The following MRTFA variants were observed in gnomAD, a reference collection of about 807,000 sequenced individuals.
MRTFA encodes myocardin related transcription factor A, also known as myocardin-related transcription factor A.
In MRTFA, 20 loss-of-function variants were observed where a neutral mutation model predicts 83.5. That is an observed-to-expected ratio of 0.24 (90% CI 0.17 to 0.35). MRTFA has a LOEUF of 0.35. Ranked by LOEUF, MRTFA falls within the 10% of genes least tolerant of loss-of-function variation. The pLI, the probability that MRTFA is intolerant of heterozygous loss-of-function variation, is 1.00. For synonymous variants in MRTFA, 659 were observed against 541.2 expected, an observed-to-expected ratio of 1.22 and a Z score of -3.02; for missense variants, 1,200 against 1,224.7, an observed-to-expected ratio of 0.98 and a Z score of 0.30.
chr22:40,475,486 G>A (rs897085576), intron 3 of MRTFA, among the ~76,000 whole-genome samples: 9 of 151,924 alleles, frequency 5.9e-5, no homozygotes, highest in African/African-American at 2.2e-4. Flanking sequence ...GCAGTGAGCC[G>A]AAATTGTGCC....
At chr22:40,602,670 C>T (rs1360056954) in intron 1 of MRTFA, among the ~76,000 whole-genome samples, 1 of 148,424 alleles carries the variant, frequency 6.7e-6, no homozygotes, top group Non-Finnish European at 1.5e-5. Flanking sequence ...GAAACCCCAT[C>T]TCCACTTAAA....
intron 3 of MRTFA, among the ~76,000 whole-genome samples, chr22:40,529,070 G>A (rs1230447412): frequency 6.6e-6 from 1 of 151,926 alleles, no homozygotes; most frequent in Non-Finnish European, 1.5e-5. Flanking sequence ...ACCCAAATGG[G>A]GCACCTTCCT....
intron 2 of MRTFA, among the ~76,000 whole-genome samples, chr22:40,571,060 T>C (rs1445932691): frequency 3.0e-5 from 2 of 66,196 alleles, no homozygotes; most frequent in Non-Finnish European, 7.0e-5. Flanking sequence ...AAAAAAAAAA[T>C]TAGCTGGGCA....
chr22:40,517,763 G>A (rs964158316), intron 3 of MRTFA, among the ~76,000 whole-genome samples: 1 of 152,156 alleles, frequency 6.6e-6, no homozygotes, highest in African/African-American at 2.4e-5. Context: ...CCAAACCTGA[G>A]TTTATGTTAA....
At chr22:40,463,511 C>A (rs951797376) in intron 3 of MRTFA, 2 of 468,246 alleles carry the variant, frequency 4.3e-6, no homozygotes, top group South Asian at 3.1e-5. Flanking sequence ...TCTTGCAGGG[C>A]GATAACAATC....
intron 4 of MRTFA, among the ~76,000 whole-genome samples, chr22:40,459,862 T>TATATATATATACACAC (rs796103400): frequency 8.2e-6 from 1 of 121,486 alleles, no homozygotes; most frequent in African/African-American, 3.1e-5. Flanking sequence ...TATATATATA[T>TATATATATATACACAC]ACACACATGA....
intron 3 of MRTFA, among the ~76,000 whole-genome samples, chr22:40,533,334 G>GT (rs994304739): frequency 3.3e-5 from 5 of 152,124 alleles, no homozygotes; most frequent in East Asian, 3.9e-4. Flanking sequence ...AAGACAAAGA[G>GT]TTTTTTTTCT....
chr22:40,411,092 C>CA lies in MRTFA; in HGVS notation c.*297dup. The CA allele has an allele frequency of 9.6e-6, 3 of 310,978 alleles. No individual in the cohort carries two copies. In the East Asian group the frequency reaches 1.5e-4, roughly 15 times the overall value. The allele number at this position is 310,978 out of a possible 1,614,324, so 19.3% of individuals were successfully genotyped here. A position where few individuals can be genotyped will look rare whatever the true frequency, so the allele number is the denominator to read the frequency against. The stretch of plus-strand genomic sequence containing the variant: ...CTTAGCCAAATTGTAGCCAGACAGA[C>CA]AGTGCCCCCTGACCTCAAAAAAGGA... On this transcript the variant is annotated 3_prime_UTR_variant, in exon 15 of 15. Transcript: ENST00000355630.
At chr22:40,578,646 G>A (rs1410443868) in intron 2 of MRTFA, among the ~76,000 whole-genome samples, 1 of 152,126 alleles carries the variant, frequency 6.6e-6, no homozygotes, top group African/African-American at 2.4e-5. Context: ...TTGAGGCCAG[G>A]CACTGTGGGT....
chr22:40,441,718 C>T (rs1233902459), intron 4 of MRTFA, among the ~76,000 whole-genome samples: 1 of 151,156 alleles, frequency 6.6e-6, no homozygotes, highest in Non-Finnish European at 1.5e-5. Context: ...ACCTGGGAGG[C>T]GAAGGTTGCA....
chr22:40,548,296 T>C (rs1255967883), intron 3 of MRTFA, among the ~76,000 whole-genome samples: 1 of 140,642 alleles, frequency 7.1e-6, no homozygotes, highest in African/African-American at 2.7e-5. Flanking sequence ...GAGGCAGAGC[T>C]TGCCGTGAGC....
chr22:40,460,447 T>G (rs1250413791), intron 4 of MRTFA, among the ~76,000 whole-genome samples: 2 of 152,224 alleles, frequency 1.3e-5, no homozygotes, highest in Non-Finnish European at 2.9e-5. Context: ...TTACAGTTAG[T>G]AGCCCATGTG....
chr22:40,412,425 A>G (rs1440885684), intron 14 of MRTFA: 1 of 152,286 alleles, frequency 6.6e-6, no homozygotes, highest in African/African-American at 2.4e-5. Context: ...GGTTCCTCCA[A>G]CACTTACTTA....
rs2052690662 is a variant in MRTFA at position 40,416,857 on chromosome 22, C to T, written c.2578+129G>A. ...GAGACGGGAGGGCTCACAGCCACCACTGCATCCACAGTGCTTGCCCAAGAC... is the reference window on the plus strand; with the variant it reads ...GAGACGGGAGGGCTCACAGCCACCATTGCATCCACAGTGCTTGCCCAAGAC... On this transcript the variant is annotated intron_variant, in intron 14 of 14. Coordinates refer to ENST00000355630, the MANE Select transcript of MRTFA (RefSeq NM_020831.6). This position sits in a 1 kb window ranked among gnomAD's most constrained non-coding sequence, Gnocchi z 4.2. 2 of 860,066 alleles carry T rather than the reference C, an allele frequency of 2.3e-6. No homozygotes were observed. Among genetic ancestry groups the T allele is most frequent in the African/African-American group, 1.7e-5 (1 of 58,204 alleles). 53.3% of individuals were successfully genotyped at this position (860,066 alleles called of 1,614,324 possible). A position where few individuals can be genotyped will look rare whatever the true frequency, so the allele number is the denominator to read the frequency against.
At chr22:40,544,879 G>A (rs993624793) in intron 3 of MRTFA, among the ~76,000 whole-genome samples, 3 of 151,934 alleles carry the variant, frequency 2.0e-5, no homozygotes, top group Non-Finnish European at 2.9e-5. Flanking sequence ...TGAGGCCGCA[G>A]TGAGCACTAT....
At chr22:40,553,046 T>C (rs2055466517) in intron 2 of MRTFA, among the ~76,000 whole-genome samples, 1 of 152,220 alleles carries the variant, frequency 6.6e-6, no homozygotes, top group African/African-American at 2.4e-5. Flanking sequence ...ATTCTTGCCA[T>C]GCTTTAGCAA....
At chr22:40,484,842 G>A (rs769510924) in intron 3 of MRTFA, among the ~76,000 whole-genome samples, 15 of 152,020 alleles carry the variant, frequency 9.9e-5, no homozygotes, top group Admixed American at 4.6e-4. Context: ...GGAGGCCGAC[G>A]CAGGCGGATC....
At chr22:40,564,533 C>T (rs1272715015) in intron 2 of MRTFA, among the ~76,000 whole-genome samples, 1 of 152,174 alleles carries the variant, frequency 6.6e-6, no homozygotes, top group Non-Finnish European at 1.5e-5. Flanking sequence ...CATCCCTCAC[C>T]ATCCTTCTGA....
intron 2 of MRTFA, among the ~76,000 whole-genome samples, chr22:40,577,898 G>A (rs905951151): frequency 2.6e-5 from 4 of 151,574 alleles, no homozygotes; most frequent in East Asian, 1.9e-4. Flanking sequence ...GAGCCACCAC[G>A]CCCGGCCTAC....
Sources: gnomAD v4.1 joint callset for allele counts (sites outside exome capture counted in the v4.1 genomes callset) on GRCh38, gnomAD v4.1.1 for gene constraint, Gnocchi (gnomAD v3.1) non-coding constraint, MANE v1.5 for transcripts, NCBI Gene and HGNC (gene_info 2026-07-23, HGNC 2026-07-21) for gene names.